Variants in ARHGAP21 observed in about 807,000 individuals in gnomAD.
The protein encoded by ARHGAP21 is rho GTPase-activating protein 21.
Under a neutral mutation model 164.6 loss-of-function variants are expected in ARHGAP21, and 38 were observed. That is an observed-to-expected ratio of 0.23 (90% CI 0.18 to 0.30). The LOEUF (loss-of-function observed/expected upper bound fraction) is 0.30. ARHGAP21 is among the 10% of genes least tolerant of loss of function. ARHGAP21 has a pLI of 1.00. For synonymous variants in ARHGAP21, 766 were observed against 857.9 expected (o/e 0.89, Z 1.87); for missense variants, 1,822 against 2,370.7 (o/e 0.77, Z 4.81).
intron 21 of ARHGAP21, 144 bp from the exon 22 acceptor site, chr10:24,592,156 ATTTTTTT>A (rs57846258): frequency 4.2e-3 from 892 of 213,630 alleles, no homozygotes; most frequent in East Asian, 7.5e-3. Context: ...TTCTAGCAAG[ATTTTTTT>A]TTTTTTTTTT....
chr10:24,602,599 T>C (rs2076859374), intron 12 of ARHGAP21, among the ~76,000 whole-genome samples: 1 of 152,182 alleles, frequency 6.6e-6, no homozygotes, highest in Admixed American at 6.5e-5. Flanking sequence ...TGTTCGCTGA[T>C]TAATGTGATC....
intron 2 of ARHGAP21, among the ~76,000 whole-genome samples, chr10:24,692,222 A>C (rs2132026261): frequency 6.6e-6 from 1 of 152,306 alleles, no homozygotes; most frequent in African/African-American, 2.4e-5. Flanking sequence ...GTAAGGTGCC[A>C]GTGGAGATAC....
intron 2 of ARHGAP21, among the ~76,000 whole-genome samples, chr10:24,712,651 T>C (rs911656243): frequency 6.6e-6 from 1 of 152,202 alleles, no homozygotes; most frequent in Non-Finnish European, 1.5e-5. Flanking sequence ...CCACAGTTAG[T>C]TGAATCCACG....
intron 9 of ARHGAP21, 25 bp downstream of exon 9, chr10:24,619,448 A>AG (rs1355984257): frequency 6.3e-7 from 1 of 1,585,074 alleles, no homozygotes. Context: ...TTGGCATATT[A>AG]GCCAATGACT....
chr10:24,643,763 T>C (rs768467957), intron 4 of ARHGAP21, among the ~76,000 whole-genome samples: 2 of 152,238 alleles, frequency 1.3e-5, no homozygotes, highest in Non-Finnish European at 2.9e-5. Flanking sequence ...AGGACAAGCA[T>C]TGATTTACAA....
Position 24,597,965 on chromosome 10 carries a change from T to A in ARHGAP21, c.3177A>T (p.Lys1059Asn), listed in dbSNP as rs201131083. 1 of 1,613,490 alleles carries A rather than the reference T, an allele frequency of 6.2e-7. No homozygotes were observed. The highest frequency in any genetic ancestry group is 1.7e-5 in the Admixed American group (1 of 60,002). ...TNRDLISRRIKEYNNLMSKAE... is the reference protein window; with the variant it reads ...TNRDLISRRINEYNNLMSKAE... ...CTCACCTCATCAGATTGTTGTATTC[T>A]TTTATTCTTCGACTAATTAGATCCC... The change falls in exon 15 of 26, where the codon AAA becomes AAT. Residue 1059 changes from lysine to asparagine, a missense_variant. This residue lies in a region of ARHGAP21 where 1,090 missense variants were observed against 1,378.9 expected (regional missense o/e 0.79). Transcript: ENST00000396432.
chr10:24,667,621 A>C (rs1259510291), intron 3 of ARHGAP21, among the ~76,000 whole-genome samples: 14 of 152,210 alleles, frequency 9.2e-5, no homozygotes, highest in Admixed American at 9.2e-4. Flanking sequence ...ACTAGTCTAA[A>C]AATACATTTT....
At chr10:24,717,581 G>T (rs1845511927) in intron 2 of ARHGAP21, among the ~76,000 whole-genome samples, 1 of 152,132 alleles carries the variant, frequency 6.6e-6, no homozygotes. Context: ...GGAGGAACAG[G>T]GGACAGTAGA....
chr10:24,652,601 T>C (rs1359748347), intron 4 of ARHGAP21, among the ~76,000 whole-genome samples: 1 of 152,166 alleles, frequency 6.6e-6, no homozygotes, highest in African/African-American at 2.4e-5. Flanking sequence ...TCATCCACAA[T>C]ATTTAAAGAA....
At chr10:24,710,472 A>G (rs1428173973) in intron 2 of ARHGAP21, among the ~76,000 whole-genome samples, 1 of 151,684 alleles carries the variant, frequency 6.6e-6, no homozygotes. Context: ...ATAGCTCCTT[A>G]CTCTTCTGCT....
chr10:24,595,336 C>T (rs1364730074), intron 19 of ARHGAP21, 146 bp from the exon 20 acceptor site: 1 of 734,046 alleles, frequency 1.4e-6, no homozygotes, highest in East Asian at 2.7e-5. Flanking sequence ...TGTAAGTTCC[C>T]TGCAGGAACC....
At chr10:24,720,994 G>GAA (rs202240238) in intron 2 of ARHGAP21, among the ~76,000 whole-genome samples, 12 of 144,446 alleles carry the variant, frequency 8.3e-5, no homozygotes, top group Admixed American at 2.1e-4. Context: ...CAAACACGAG[G>GAA]AAAAAAAAAA....
chr10:24,642,884 A>G (rs1565083103), intron 4 of ARHGAP21, among the ~76,000 whole-genome samples: 1 of 152,228 alleles, frequency 6.6e-6, no homozygotes, highest in African/African-American at 2.4e-5. Context: ...CATGGCACAC[A>G]GTAGATGCTC....
At position 24,607,581 on chromosome 10, in the gene ARHGAP21, G is replaced by C. The variant is rs1164016064; in HGVS notation, c.2602C>G (p.Leu868Val). The change falls in exon 11 of 26, where the codon CTG (leucine) becomes GTG (valine). Residue 868 changes from leucine (L) to valine (V), a missense_variant. Leu to Val is a conservative substitution (Grantham distance 32). Coordinates refer to ENST00000396432, the MANE Select transcript of ARHGAP21 (RefSeq NM_020824.4). ...GTCTTTGAGTTGGGCTGAGCATCCA[G>C]GCTAGGAGGGCCAACAGATTCTGTA... ...HDHESVGPPS[L>V]DAQPNSKTER... The C allele has an allele frequency of 6.2e-7, 1 of 1,614,074 alleles. No individual in the cohort carries two copies. The highest frequency in any genetic ancestry group is 1.7e-5 in the Admixed American group (1 of 60,014).
intron 4 of ARHGAP21, among the ~76,000 whole-genome samples, chr10:24,664,678 T>A (rs1331484382): frequency 6.6e-6 from 1 of 151,776 alleles, no homozygotes; most frequent in Non-Finnish European, 1.5e-5. Flanking sequence ...GACCTTATAT[T>A]TTATCTTGCT....
Position 24,600,014 on chromosome 10 carries a change from T to C in ARHGAP21, c.3132+632A>G, listed in dbSNP as rs1385488125. On this transcript the variant is annotated intron_variant, in intron 14 of 25. Coordinates refer to ENST00000396432, the MANE Select transcript of ARHGAP21 (RefSeq NM_020824.4). ...CGGGCATGGTGACGGCTGCCTGTCA[T>C]CCCAGCTACAGGGGAAGCTAAGGCA... is the stretch of plus-strand genomic sequence containing the variant. Among the ~76,000 whole-genome samples, 5 of 150,824 alleles carry C rather than the reference T, an allele frequency of 3.3e-5. No individual in the cohort carries two copies. The Admixed American group carries it at 3.3e-4, about 10-fold the overall frequency.
intron 4 of ARHGAP21, among the ~76,000 whole-genome samples, chr10:24,665,335 A>G (rs1840085059): frequency 6.6e-6 from 1 of 151,830 alleles, no homozygotes; most frequent in Admixed American, 6.6e-5. Flanking sequence ...TTTCCTTCTC[A>G]TTTTAACTCA....
intron 16 of ARHGAP21, among the ~76,000 whole-genome samples, chr10:24,597,158 T>G (rs926772743): frequency 6.6e-6 from 1 of 151,702 alleles, no homozygotes; most frequent in Non-Finnish European, 1.5e-5. Context: ...GGAAAAGTAA[T>G]AGTTTTATTT....
intron 2 of ARHGAP21, among the ~76,000 whole-genome samples, chr10:24,701,927 G>A: frequency 6.6e-6 from 1 of 152,130 alleles, no homozygotes; most frequent in Non-Finnish European, 1.5e-5. Flanking sequence ...GTATGTGGCT[G>A]TGTAATAACA....
Sources: gnomAD v4.1 joint callset for allele counts (sites outside exome capture counted in the v4.1 genomes callset) on GRCh38, gnomAD v4.1.1 for gene constraint, gnomAD v4.1.1 regional missense constraint, MANE v1.5 for transcripts, NCBI Gene and HGNC (gene_info 2026-07-23, HGNC 2026-07-21) for gene names.